The following CAMK2D variants were observed in gnomAD, a reference collection of about 807,000 sequenced individuals.
CAMK2D encodes calcium/calmodulin dependent protein kinase II delta, also known as calcium/calmodulin-dependent protein kinase type II subunit delta.
A neutral mutation model predicts 84.0 loss-of-function variants in CAMK2D; 37 were observed. That is an observed-to-expected ratio of 0.44 (90% confidence interval 0.34 to 0.58). CAMK2D has a LOEUF of 0.58. CAMK2D is among the 20% of genes least tolerant of loss of function. The pLI is 0.02. For missense variants in CAMK2D, 448 were observed against 652.5 expected, an observed-to-expected ratio of 0.69 and a Z score of 3.41; for synonymous variants, 202 against 212.5, an observed-to-expected ratio of 0.95 and a Z score of 0.43.
At chr4:113,687,491 T>C (rs1301356256) in intron 2 of CAMK2D, among the ~76,000 whole-genome samples, 1 of 152,196 alleles carries the variant, frequency 6.6e-6, no homozygotes, top group Non-Finnish European at 1.5e-5. Context: ...TTAGGCCTTT[T>C]ATTAGGTGCA....
intron 3 of CAMK2D, among the ~76,000 whole-genome samples, chr4:113,643,440 A>C (rs1484689487): frequency 6.6e-6 from 1 of 152,206 alleles, no homozygotes; most frequent in Non-Finnish European, 1.5e-5. Context: ...GTGTAGAACA[A>C]ATAGTCCAGG....
chr4:113,597,240 C>T (rs934360265), intron 4 of CAMK2D, among the ~76,000 whole-genome samples: 4 of 152,212 alleles, frequency 2.6e-5, no homozygotes, highest in East Asian at 1.9e-4. Flanking sequence ...CTTCTTGTCT[C>T]AAGCTATGAA....
intron 4 of CAMK2D, among the ~76,000 whole-genome samples, chr4:113,598,729 G>A (rs75030995): frequency 0.036 from 5,476 of 152,230 alleles, 133 homozygotes; most frequent in Non-Finnish European, 0.055. Flanking sequence ...CACCCAGGCT[G>A]GAGTATAATG....
At chr4:113,489,748 A>C (rs1332258243) in intron 16 of CAMK2D, among the ~76,000 whole-genome samples, 1 of 142,776 alleles carries the variant, frequency 7.0e-6, no homozygotes, top group Non-Finnish European at 1.5e-5. Context: ...ACTAGTTTAC[A>C]GTCCCACCAA....
chr4:113,479,956 CAT>C (rs1398136898), intron 16 of CAMK2D, among the ~76,000 whole-genome samples: 1 of 151,960 alleles, frequency 6.6e-6, no homozygotes, highest in African/African-American at 2.4e-5. Context: ...TAGGTATTGA[CAT>C]ATTATTATTA....
chr4:113,634,604 T>C (rs1561500287), intron 3 of CAMK2D, among the ~76,000 whole-genome samples: 1 of 152,174 alleles, frequency 6.6e-6, no homozygotes, highest in East Asian at 1.9e-4. Flanking sequence ...AGAAATAAGA[T>C]ACTCATTCAG....
chr4:113,693,586 T>C (rs1338889746), intron 2 of CAMK2D, among the ~76,000 whole-genome samples: 1 of 152,184 alleles, frequency 6.6e-6, no homozygotes, highest in Non-Finnish European at 1.5e-5. Context: ...TTGTTTCTCA[T>C]ATTCCCTGCA....
intron 4 of CAMK2D, among the ~76,000 whole-genome samples, chr4:113,603,776 TATA>T (rs2098965093): frequency 3.6e-5 from 2 of 56,154 alleles, no homozygotes; most frequent in Non-Finnish European, 8.3e-5. Context: ...TGCTATTTTA[TATA>T]TATATATATA....
At chr4:113,547,354 G>A (rs1016972449) in intron 6 of CAMK2D, among the ~76,000 whole-genome samples, 1 of 152,162 alleles carries the variant, frequency 6.6e-6, no homozygotes, top group Non-Finnish European at 1.5e-5. Flanking sequence ...AAACCCTACT[G>A]AAAGTCACAT....
intron 2 of CAMK2D, among the ~76,000 whole-genome samples, chr4:113,692,260 T>C (rs2099389123): frequency 6.6e-6 from 1 of 152,190 alleles, no homozygotes; most frequent in South Asian, 2.1e-4. Flanking sequence ...GACCTCCTGA[T>C]AAAATATATT....
chr4:113,624,642 T>G (rs1416096761), intron 3 of CAMK2D, among the ~76,000 whole-genome samples: 2 of 152,172 alleles, frequency 1.3e-5, no homozygotes, highest in Non-Finnish European at 2.9e-5. Flanking sequence ...AATCTGGTGG[T>G]GTATTTCTGG....
chr4:113,553,254 A>C (rs1255081115), intron 4 of CAMK2D, among the ~76,000 whole-genome samples: 1 of 152,298 alleles, frequency 6.6e-6, no homozygotes, highest in Middle Eastern at 3.4e-3. Flanking sequence ...TTAGTGACAC[A>C]GGCAGGCCAT....
rs2097319980 is a variant in CAMK2D at position 113,457,646 on chromosome 4, T to C, written c.1307-83A>G. ...CAGTAATAACTTCAGTTAGGACCAA[T>C]GAATGAAATGACATTTATTCACTCA... On this transcript the variant is annotated intron_variant, in intron 18 of 20. Transcript: ENST00000511664. 1.5e-5 allele frequency: 15 copies of C among 982,758 alleles called. No individual in the cohort carries two copies. The South Asian group carries it at 2.1e-4, about 14-fold the overall frequency. 60.9% of individuals were successfully genotyped at this position (982,758 alleles called of 1,614,324 possible).
At chr4:113,505,315 A>G (rs1053903841) in intron 13 of CAMK2D, among the ~76,000 whole-genome samples, 1 of 152,202 alleles carries the variant, frequency 6.6e-6, no homozygotes, top group African/African-American at 2.4e-5. Flanking sequence ...TGGAGCTCCA[A>G]TCAGGTTTCA....
At chr4:113,523,817 A>G (rs779553834) in intron 8 of CAMK2D, among the ~76,000 whole-genome samples, 3 of 151,660 alleles carry the variant, frequency 2.0e-5, no homozygotes, top group Non-Finnish European at 4.4e-5. Flanking sequence ...ACAAATAAAT[A>G]AATAATTAGT....
Position 113,511,837 on chromosome 4 carries a change from T to C in CAMK2D, c.946+1491A>G, listed in dbSNP as rs1044465214. 3.3e-5 allele frequency among the ~76,000 whole-genome samples: 5 copies of C among 152,202 alleles called. No individual in the cohort carries two copies. In the South Asian group the frequency reaches 8.3e-4, roughly 25 times the overall value. ...CATTGTACTACTGTTGTTGCTATTT[T>C]TTAACAGCCTTTGAAAGGCCTCTTA... On this transcript the variant is annotated intron_variant, in intron 12 of 20. Coordinates refer to ENST00000511664, the MANE Select transcript of CAMK2D (RefSeq NM_001321571.2).
At chr4:113,753,949 A>C (rs2099622827) in intron 2 of CAMK2D, 9 of 979,290 alleles carry the variant, frequency 9.2e-6, no homozygotes, top group Non-Finnish European at 9.7e-6. Context: ...TTGAATTGTA[A>C]TGCCATTCAT....
intron 16 of CAMK2D, among the ~76,000 whole-genome samples, chr4:113,483,058 A>T (rs751250692): frequency 2.0e-5 from 3 of 152,252 alleles, no homozygotes; most frequent in Non-Finnish European, 2.9e-5. Context: ...TTCAAAGGCA[A>T]GATAGTTTAT....
chr4:113,670,179 G>A (rs1487487623), intron 2 of CAMK2D, among the ~76,000 whole-genome samples: 2 of 152,142 alleles, frequency 1.3e-5, no homozygotes, highest in African/African-American at 4.8e-5. Context: ...CTACTCTGGA[G>A]GCTGAGGCAG....
Sources: gnomAD v4.1 joint callset for allele counts (sites outside exome capture counted in the v4.1 genomes callset) on GRCh38, gnomAD v4.1.1 for gene constraint, MANE v1.5 for transcripts, NCBI Gene and HGNC (gene_info 2026-07-23, HGNC 2026-07-21) for gene names.